Variants in DNAH11 observed in about 807,000 individuals in gnomAD.
DNAH11 encodes dynein axonemal heavy chain 11.
Under a neutral mutation model 526.0 loss-of-function variants are expected in DNAH11, and 442 were observed. The ratio of observed to expected loss-of-function variants is 0.84; its 90% CI spans 0.78 to 0.91. The LOEUF is 0.91. DNAH11 is among the 40% of genes least tolerant of loss of function. DNAH11 has a pLI of 0.00. For synonymous variants in DNAH11, 2,461 were observed against 1,935.9 expected (o/e 1.27, Z -7.12); for missense variants, 6,989 against 5,448.7 (o/e 1.28, Z -8.90).
chr7:21,863,645 A>G (rs1366632460), intron 69 of DNAH11, among the ~76,000 whole-genome samples: 1 of 152,212 alleles, frequency 6.6e-6, no homozygotes, highest in Non-Finnish European at 1.5e-5. Flanking sequence ...ATTAATAGAA[A>G]AAGACCAGGG....
At chr7:21,563,599 C>G (rs1463058887) in intron 5 of DNAH11, among the ~76,000 whole-genome samples, 2 of 152,138 alleles carry the variant, frequency 1.3e-5, no homozygotes, top group Non-Finnish European at 2.9e-5. Flanking sequence ...GTAATTCATT[C>G]CAGTTTTAGT....
chr7:21,733,365 GCAACAA>G (rs1785466099), intron 45 of DNAH11, among the ~76,000 whole-genome samples: 1 of 152,170 alleles, frequency 6.6e-6, no homozygotes, highest in Non-Finnish European at 1.5e-5. Flanking sequence ...TCCAGCCTCA[GCAACAA>G]GAGCGAGACT....
Position 21,880,725 on chromosome 7 carries a change from G to A in DNAH11, c.12219G>A (p.Lys4073=). The A allele has an allele frequency of 1.2e-6, 2 of 1,613,914 alleles. No individual in the cohort carries two copies. The highest frequency in any genetic ancestry group is 1.1e-5 in the South Asian group (1 of 91,076). The change falls in exon 75 of 82, where the codon AAG becomes AAA. Residue 4073 remains lysine (K), a synonymous_variant. Transcript: ENST00000409508. Reference sequence around the variant, plus strand: ...AGGATACACTTGAAATATGCTCCAAGGAGCAGGAGTTTAAAAGCATCCTTT... The same window carrying A: ...AGGATACACTTGAAATATGCTCCAAAGAGCAGGAGTTTAAAAGCATCCTTT... The part of the protein sequence containing the change: ...FDQDTLEICS[K]EQEFKSILFS...
chr7:21,565,765 C>T (rs899382332), intron 6 of DNAH11, among the ~76,000 whole-genome samples: 1 of 152,088 alleles, frequency 6.6e-6, no homozygotes, highest in Non-Finnish European at 1.5e-5. Context: ...AAATGCCCAG[C>T]GTAGTGCTCG....
chr7:21,813,494 T>A (rs1789623522), intron 63 of DNAH11, among the ~76,000 whole-genome samples: 1 of 152,164 alleles, frequency 6.6e-6, no homozygotes, highest in Non-Finnish European at 1.5e-5. Context: ...TAAACATGAG[T>A]TGTTACGTTA....
chr7:21,636,084 G>A lies in DNAH11; in HGVS notation c.4714G>A (p.Ala1572Thr), dbSNP rs1214334843. 4.3e-6 allele frequency: 7 copies of A among 1,610,080 alleles called. No homozygotes were observed. Among genetic ancestry groups the A allele is most frequent in the African/African-American group, 1.3e-5 (1 of 75,004 alleles). The change falls in exon 26 of 82, where the codon GCT becomes ACT. Residue 1572 changes from alanine to threonine, a missense_variant. Coordinates refer to ENST00000409508, the MANE Select transcript of DNAH11 (RefSeq NM_001277115.2). ...KDARRFDGVD[A>T]EFKELMFKTA... Reference sequence around the variant, plus strand: ...TGCTAGAAGATTTGATGGGGTGGATGCTGAATTTAAGGTTTGTCAAAGACA... The same window carrying A: ...TGCTAGAAGATTTGATGGGGTGGATACTGAATTTAAGGTTTGTCAAAGACA...
intron 65 of DNAH11, among the ~76,000 whole-genome samples, chr7:21,830,190 C>T (rs1015135523): frequency 6.6e-6 from 1 of 152,136 alleles, no homozygotes; most frequent in South Asian, 2.1e-4. Flanking sequence ...AACTAGCAAA[C>T]ATTTTGGCAC....
At chr7:21,749,907 G>A in intron 53 of DNAH11, 106 bp downstream of exon 53, 3 of 1,535,672 alleles carry the variant, frequency 2.0e-6, no homozygotes, top group Non-Finnish European at 2.7e-6. Context: ...TGTTTGCTGG[G>A]CAGTCTTTGG....
Position 21,783,086 on chromosome 7 carries a change from A to C in DNAH11, c.9484-1341A>C, listed in dbSNP as rs374353714. Among the ~76,000 whole-genome samples, 42 of 152,272 alleles carry C rather than the reference A, an allele frequency of 2.8e-4. 1 individual carries two copies. The highest frequency in any genetic ancestry group is 9.9e-4 in the African/African-American group (41 of 41,550). On this transcript the variant is annotated intron_variant, in intron 57 of 81. Transcript: ENST00000409508. ...ACTGTGTCCTTATGGAAAATAAATA[A>C]ACCTGAGATGATAACTCCTTCACTC...
intron 25 of DNAH11, among the ~76,000 whole-genome samples, chr7:21,626,904 C>G (rs562537831): frequency 1.2e-3 from 186 of 152,060 alleles, no homozygotes; most frequent in African/African-American, 4.3e-3. Flanking sequence ...GCGCCCGCCA[C>G]CATGCCTGGC....
intron 51 of DNAH11, among the ~76,000 whole-genome samples, chr7:21,747,457 A>G (rs1391566459): frequency 6.6e-6 from 1 of 152,132 alleles, no homozygotes. Context: ...GATGGCATCA[A>G]ATTTGGGGTG....
At chr7:21,733,764 C>T (rs1339357901) in intron 45 of DNAH11, among the ~76,000 whole-genome samples, 1 of 152,124 alleles carries the variant, frequency 6.6e-6, no homozygotes, top group Admixed American at 6.5e-5. Flanking sequence ...CATTATATGT[C>T]AGGCCCTTTA....
intron 57 of DNAH11, among the ~76,000 whole-genome samples, chr7:21,781,783 G>A (rs553706887): frequency 2.0e-5 from 3 of 152,146 alleles, no homozygotes; most frequent in Non-Finnish European, 4.4e-5. Context: ...TGGGAGATTG[G>A]GAGGGTTAAA....
rs747119409 is a variant in DNAH11, at chr7:21,892,662, G to A, written c.12745G>A (p.Glu4249Lys). The A allele has an allele frequency of 2.6e-5, 41 of 1,596,010 alleles. No individual in the cohort carries two copies. The highest frequency in any genetic ancestry group is 2.7e-5 in the Non-Finnish European group (32 of 1,170,786). The change falls in exon 77 of 82, where the codon GAA becomes AAA. Residue 4249 changes from glutamate to lysine, a missense_variant. Transcript: ENST00000409508. ...SGDELGQSTEEKVKNVLDDIL... is the reference protein window; with the variant it reads ...SGDELGQSTEKKVKNVLDDIL... ...TGATGAACTGGGGCAGTCTACAGAA[G>A]AAAAGGTAGAGGGTCTTTCCTTCCT...
intron 8 of DNAH11, among the ~76,000 whole-genome samples, chr7:21,581,096 T>C (rs576383095): frequency 2.0e-5 from 3 of 152,356 alleles, no homozygotes; most frequent in Admixed American, 6.5e-5. Context: ...ACCGTTGTTA[T>C]TGTTAATAGA....
intron 52 of DNAH11, 64 bp from the exon 53 acceptor site, chr7:21,749,614 C>A: frequency 6.3e-7 from 1 of 1,596,320 alleles, no homozygotes; most frequent in Non-Finnish European, 8.5e-7. Context: ...CCAGCACTCA[C>A]ACACAACCTC....
At chr7:21,805,619 T>C (rs956208357) in intron 62 of DNAH11, among the ~76,000 whole-genome samples, 7 of 152,176 alleles carry the variant, frequency 4.6e-5, no homozygotes, top group Non-Finnish European at 8.8e-5. Flanking sequence ...AAAACTGTTA[T>C]ATAATTAGAC....
rs1784701008 is a variant in DNAH11, at chr7:21,900,044, T to C, written c.13227T>C (p.Asp4409=). 8 of 1,613,956 alleles carry C rather than the reference T, an allele frequency of 5.0e-6. No homozygotes were observed. Among genetic ancestry groups the C allele is most frequent in the Non-Finnish European group, 6.8e-6 (8 of 1,179,878 alleles). The part of the protein sequence containing the change: ...WPLDKTRLTA[D]VTKKTKEDYG... ...TGGATAAAACGCGCTTGACTGCTGATGTTACCAAAAAAACAAAGGAAGATT... is the reference window on the plus strand; with the variant it reads ...TGGATAAAACGCGCTTGACTGCTGACGTTACCAAAAAAACAAAGGAAGATT... Residue 4409 remains aspartate, a synonymous_variant, in exon 81 of 82, where the codon GAT becomes GAC. Transcript: ENST00000409508.
intron 5 of DNAH11, among the ~76,000 whole-genome samples, chr7:21,562,958 T>A (rs1409502940): frequency 1.3e-5 from 2 of 152,156 alleles, no homozygotes; most frequent in Admixed American, 6.5e-5. Context: ...ACAAGTCTTT[T>A]GGGTTAACAA....
Sources: allele counts gnomAD v4.1 joint callset (sites outside exome capture counted in the v4.1 genomes callset), GRCh38; gene constraint gnomAD v4.1.1; transcripts MANE v1.5; gene names NCBI Gene and HGNC (gene_info 2026-07-23, HGNC 2026-07-21).